Variants in PHACTR3 observed in about 807,000 individuals in gnomAD.
PHACTR3 encodes the protein phosphatase and actin regulator 3.
In PHACTR3, 16 loss-of-function variants were observed where a neutral mutation model predicts 66.8. The ratio of observed to expected loss-of-function variants is 0.24; its 90% CI spans 0.16 to 0.36. The LOEUF (loss-of-function observed/expected upper bound fraction) is 0.36. PHACTR3 is among the 10% of genes least tolerant of loss of function. The pLI is 1.00. For synonymous variants in PHACTR3, 323 were observed against 292.1 expected (o/e 1.11, Z -1.08); for missense variants, 647 against 719.9 (o/e 0.90, Z 1.16).
At chr20:59,813,628 G>A (rs1485112562) in intron 8 of PHACTR3, among the ~76,000 whole-genome samples, 1 of 152,188 alleles carries the variant, frequency 6.6e-6, no homozygotes, top group Non-Finnish European at 1.5e-5. Flanking sequence ...AGCTTCAGGA[G>A]GGAGGGTGAG....
intron 7 of PHACTR3, among the ~76,000 whole-genome samples, chr20:59,794,728 C>T (rs1157017912): frequency 6.6e-6 from 1 of 152,104 alleles, no homozygotes; most frequent in Non-Finnish European, 1.5e-5. Context: ...CATTATTGGT[C>T]TGTTCTGATT....
intron 1 of PHACTR3, among the ~76,000 whole-genome samples, chr20:59,591,771 C>T (rs1023274727): frequency 6.6e-6 from 1 of 152,168 alleles, no homozygotes; most frequent in Non-Finnish European, 1.5e-5. Flanking sequence ...ACCGCAGAAA[C>T]CATGTGGCTC....
chr20:59,604,527 A>G, upstream of PHACTR3: 2 of 694,346 alleles, frequency 2.9e-6, no homozygotes, highest in Non-Finnish European at 3.5e-6. Context: ...CAGATGCTCC[A>G]AGAACAGCTT....
intron 1 of PHACTR3, among the ~76,000 whole-genome samples, chr20:59,636,473 G>T (rs1293320877): frequency 1.3e-5 from 2 of 152,218 alleles, no homozygotes; most frequent in African/African-American, 2.4e-5. Context: ...AACAGAGCAT[G>T]TGGCCACCTG....
At chr20:59,623,277 G>A (rs530078678) in intron 1 of PHACTR3, among the ~76,000 whole-genome samples, 5 of 152,186 alleles carry the variant, frequency 3.3e-5, no homozygotes, top group African/African-American at 9.6e-5. Context: ...CCCGTGTTAT[G>A]ACCTTCCAGC....
intron 1 of PHACTR3, among the ~76,000 whole-genome samples, chr20:59,734,654 C>G (rs6015565): frequency 0.28 from 42,017 of 151,900 alleles, 6,937 homozygotes; most frequent in African/African-American, 0.45. Flanking sequence ...GCCATTACTG[C>G]CATAATGAAC....
At chr20:59,577,835 C>CTAAACA (rs1270473170) in intron 1 of PHACTR3, among the ~76,000 whole-genome samples, 3 of 152,238 alleles carry the variant, frequency 2.0e-5, no homozygotes, top group African/African-American at 7.2e-5. Flanking sequence ...GAGTCTCTCC[C>CTAAACA]TAAACAAGGG....
chr20:59,815,401 C>T (rs1387422541), intron 8 of PHACTR3, among the ~76,000 whole-genome samples: 4 of 149,894 alleles, frequency 2.7e-5, no homozygotes, highest in Non-Finnish European at 1.5e-5. Flanking sequence ...AAAGACTCAG[C>T]TGTACTTGGG....
intron 1 of PHACTR3, among the ~76,000 whole-genome samples, chr20:59,655,781 AGC>A (rs1324749605): frequency 6.6e-6 from 1 of 151,708 alleles, no homozygotes; most frequent in East Asian, 1.9e-4. Context: ...AGGAATTTAG[AGC>A]TATAGGCTTC....
chr20:59,734,978 A>AGGTACCTTAGT (rs941834197), intron 1 of PHACTR3, among the ~76,000 whole-genome samples: 2 of 151,852 alleles, frequency 1.3e-5, no homozygotes. Flanking sequence ...TGGTGGTTCC[A>AGGTACCTTAGT]GGTACCTTAG....
chr20:59,710,504 C>A (rs989790998), intron 1 of PHACTR3, among the ~76,000 whole-genome samples: 1 of 152,088 alleles, frequency 6.6e-6, no homozygotes, highest in South Asian at 2.1e-4. Flanking sequence ...CTGGCTAGGC[C>A]CTTTAAAAGG....
At chr20:59,702,982 GT>G (rs1305026695) in intron 1 of PHACTR3, among the ~76,000 whole-genome samples, 9 of 152,176 alleles carry the variant, frequency 5.9e-5, no homozygotes, top group Non-Finnish European at 1.2e-4. Context: ...CAAGCGTGTT[GT>G]TGCAAGAATC....
intron 1 of PHACTR3, among the ~76,000 whole-genome samples, chr20:59,740,878 C>T (rs943297766): frequency 2.6e-5 from 4 of 152,338 alleles, no homozygotes; most frequent in African/African-American, 9.6e-5. Flanking sequence ...TGGCTCTTCT[C>T]AGGCTGAGCT....
At chr20:59,577,565 G>C in exon 1 of PHACTR3, 6 of 1,202,024 alleles carry the variant, frequency 5.0e-6, no homozygotes, top group Non-Finnish European at 6.2e-6. Flanking sequence ...GCTCGCTGCT[G>C]GGCGCCTTCG....
At chr20:59,770,092 C>A (rs939940542) in intron 5 of PHACTR3, among the ~76,000 whole-genome samples, 1 of 152,212 alleles carries the variant, frequency 6.6e-6, no homozygotes, top group Non-Finnish European at 1.5e-5. Flanking sequence ...AAGGTCGAGC[C>A]TCAGATGGCA....
At chr20:59,654,013 A>G (rs2035539417) in intron 1 of PHACTR3, among the ~76,000 whole-genome samples, 1 of 152,214 alleles carries the variant, frequency 6.6e-6, no homozygotes, top group Non-Finnish European at 1.5e-5. Context: ...TAAGCTATCA[A>G]AGGTTAATGA....
intron 7 of PHACTR3, among the ~76,000 whole-genome samples, chr20:59,802,264 C>G (rs2041434988): frequency 6.6e-6 from 1 of 152,092 alleles, no homozygotes; most frequent in South Asian, 2.1e-4. Context: ...TCATGGGACA[C>G]AGGAGGTCAT....
At chr20:59,636,427 C>T (rs900663024) in intron 1 of PHACTR3, among the ~76,000 whole-genome samples, 1 of 152,330 alleles carries the variant, frequency 6.6e-6, no homozygotes, top group South Asian at 2.1e-4. Flanking sequence ...AGAACTCTCT[C>T]AAGTCCTGGT....
intron 1 of PHACTR3, chr20:59,627,957 C>T (rs1403692567): frequency 6.6e-6 from 1 of 152,042 alleles, no homozygotes; most frequent in Non-Finnish European, 1.5e-5. Context: ...ATCTGTGTAT[C>T]TATCGTCTCT....
Sources: gnomAD v4.1 joint callset for allele counts (sites outside exome capture counted in the v4.1 genomes callset) on GRCh38, gnomAD v4.1.1 for gene constraint, MANE v1.5 for transcripts, NCBI Gene and HGNC (gene_info 2026-07-23, HGNC 2026-07-21) for gene names.